The following FRMD6 variants were observed in gnomAD, a reference collection of about 807,000 sequenced individuals.
The protein encoded by FRMD6 is FERM domain-containing protein 6.
FRMD6 carries 37 observed loss-of-function variants against 73.2 expected under a neutral mutation model. The observed-to-expected ratio is 0.51, with a 90% CI of 0.39 to 0.66. The LOEUF (loss-of-function observed/expected upper bound fraction) is 0.66, where lower values mean the gene tolerates loss of function less well. Ranked by LOEUF, FRMD6 falls within the 30% of genes least tolerant of loss-of-function variation. FRMD6 has a pLI of 0.00. For missense variants in FRMD6, 714 were observed against 780.5 expected (o/e 0.91, Z 1.02); for synonymous variants, 273 against 282.2 (o/e 0.97, Z 0.33).
the FRMD6 span, among the ~76,000 whole-genome samples, chr14:51,469,999 T>G: frequency 3.3e-5 from 5 of 152,154 alleles, no homozygotes; most frequent in Non-Finnish European, 7.4e-5. Context: ...TATTCAGATG[T>G]TCTGTTTCTT....
intron 1 of FRMD6, among the ~76,000 whole-genome samples, chr14:51,492,934 G>T (rs772479813): frequency 2.0e-5 from 3 of 152,128 alleles, no homozygotes; most frequent in Non-Finnish European, 2.9e-5. Flanking sequence ...ATGGCGCCTG[G>T]ATTACAAACT....
chr14:51,490,712 G>A (rs1451236868), intron 1 of FRMD6, among the ~76,000 whole-genome samples: 1 of 152,044 alleles, frequency 6.6e-6, no homozygotes, highest in Non-Finnish European at 1.5e-5. Context: ...CAACCGCAGA[G>A]TTTTAGTGCA....
At chr14:51,549,884 C>T (rs371496988) in intron 1 of FRMD6, among the ~76,000 whole-genome samples, 2 of 152,304 alleles carry the variant, frequency 1.3e-5, no homozygotes, top group African/African-American at 2.4e-5. Context: ...CGTGGGCCAC[C>T]GCGCCCGGCC....
At chr14:51,438,838 G>C in the FRMD6 span, among the ~76,000 whole-genome samples, 1 of 152,004 alleles carries the variant, frequency 6.6e-6, no homozygotes, top group Non-Finnish European at 1.5e-5. Flanking sequence ...TTAATGCCAA[G>C]CTATATATAG....
In FRMD6 at chr14:51,627,352, A is replaced by G. The variant is rs377551260; in HGVS notation, c.-147+56942A>G. On this transcript the variant is annotated intron_variant, in intron 2 of 14. Coordinates refer to the FRMD6 transcript ENST00000356218. ...GTGGATGAGATTAGAAAGGCATTTT[A>G]TAAGTGACTGAAAAATAATGATTGA... 7.9e-5 allele frequency among the ~76,000 whole-genome samples: 12 copies of G among 152,374 alleles called. No homozygotes were observed. In the East Asian group the frequency reaches 1.2e-3, roughly 15 times the overall value.
chr14:51,432,607 A>G, the FRMD6 span, among the ~76,000 whole-genome samples: 1 of 152,174 alleles, frequency 6.6e-6, no homozygotes. Flanking sequence ...TACACCAAAC[A>G]CAGGGCTTAC....
At chr14:51,468,152 A>G in the FRMD6 span, among the ~76,000 whole-genome samples, 1,100 of 152,168 alleles carry the variant, frequency 7.2e-3, 10 homozygotes, top group East Asian at 0.056. Context: ...CCAGTCAGGC[A>G]TGGCGGCGCG....
chr14:51,668,616 T>C (rs1440409871), intron 1 of FRMD6, among the ~76,000 whole-genome samples: 7 of 151,374 alleles, frequency 4.6e-5, no homozygotes, highest in Non-Finnish European at 7.4e-5. Context: ...CAGAACTTTG[T>C]AATCTTAAAA....
At chr14:51,695,456 A>G (rs1895880735) in intron 2 of FRMD6, among the ~76,000 whole-genome samples, 1 of 152,200 alleles carries the variant, frequency 6.6e-6, no homozygotes, top group African/African-American at 2.4e-5. Flanking sequence ...AAAGAGAATG[A>G]TAATGATTCC....
chr14:51,566,655 T>G (rs191159315), intron 1 of FRMD6, among the ~76,000 whole-genome samples: 17 of 152,316 alleles, frequency 1.1e-4, no homozygotes, highest in African/African-American at 3.8e-4. Context: ...GCATTTTGAG[T>G]CATTATACCC....
chr14:51,419,534 T>A, the FRMD6 span, among the ~76,000 whole-genome samples: 3 of 152,206 alleles, frequency 2.0e-5, no homozygotes, highest in Middle Eastern at 3.2e-3. Flanking sequence ...GGGAGGCATG[T>A]AGCTTTTCCT....
At chr14:51,412,600 C>T in the FRMD6 span, among the ~76,000 whole-genome samples, 1 of 152,018 alleles carries the variant, frequency 6.6e-6, no homozygotes, top group Admixed American at 6.6e-5. Context: ...GCCTGTAATC[C>T]CAGCACTTTG....
At chr14:51,627,105 C>A (rs1348323928) in intron 2 of FRMD6, among the ~76,000 whole-genome samples, 1 of 152,178 alleles carries the variant, frequency 6.6e-6, no homozygotes, top group Non-Finnish European at 1.5e-5. Context: ...GCAACCACCA[C>A]TATTACAAGT....
At chr14:51,498,406 C>T (rs1198638248) in intron 1 of FRMD6, among the ~76,000 whole-genome samples, 1 of 131,802 alleles carries the variant, frequency 7.6e-6, no homozygotes, top group South Asian at 2.7e-4. Context: ...TGGCAGCACT[C>T]CACTCACCAA....
intron 1 of FRMD6, among the ~76,000 whole-genome samples, chr14:51,515,716 A>G (rs1171217504): frequency 6.6e-6 from 1 of 152,212 alleles, no homozygotes; most frequent in Admixed American, 6.5e-5. Context: ...GAGACAGGAT[A>G]ACAGAGCTGC....
intron 1 of FRMD6, among the ~76,000 whole-genome samples, chr14:51,686,381 A>G (rs1300031823): frequency 2.0e-5 from 3 of 152,100 alleles, no homozygotes; most frequent in Non-Finnish European, 4.4e-5. Context: ...TTTTCCCACA[A>G]TTTGTTAAAA....
intron 1 of FRMD6, among the ~76,000 whole-genome samples, chr14:51,519,493 G>T (rs1048231925): frequency 7.9e-5 from 12 of 152,168 alleles, no homozygotes; most frequent in Non-Finnish European, 1.5e-4. Context: ...ATAAAATATA[G>T]TTCATCAGTG....
chr14:51,401,671 T>C, the FRMD6 span, among the ~76,000 whole-genome samples: 1 of 152,148 alleles, frequency 6.6e-6, no homozygotes, highest in Non-Finnish European at 1.5e-5. Flanking sequence ...AGTATTCAAC[T>C]TGCTAATGTC....
chr14:51,665,420 C>T (rs1032145927), intron 1 of FRMD6, among the ~76,000 whole-genome samples: 3 of 151,756 alleles, frequency 2.0e-5, no homozygotes, highest in East Asian at 3.8e-4. Context: ...TTTTTTTTCT[C>T]AGAGTTCCTT....
Sources: gnomAD v4.1 joint callset for allele counts (sites outside exome capture counted in the v4.1 genomes callset) on GRCh38, gnomAD v4.1.1 for gene constraint, MANE v1.5 for transcripts, NCBI Gene and HGNC (gene_info 2026-07-23, HGNC 2026-07-21) for gene names.